Variants in ADRA1B observed in about 807,000 individuals in gnomAD.
ADRA1B encodes alpha-1B adrenergic receptor.
ADRA1B carries 17 observed loss-of-function variants against 17.9 expected under a neutral mutation model. That is an observed-to-expected ratio of 0.95 (90% CI 0.65 to 1.42). ADRA1B has a LOEUF of 1.42. ADRA1B is among the 40% of genes most tolerant of loss of function. The probability of loss-of-function intolerance (pLI) is 0.00; values close to 1 mark genes in which losing one functional copy is unlikely to be tolerated. For missense variants in ADRA1B, 681 were observed against 722.1 expected (o/e 0.94, Z 0.65); for synonymous variants, 366 against 327.6 (o/e 1.12, Z -1.27).
intron 1 of ADRA1B, among the ~76,000 whole-genome samples, chr5:159,925,417 A>G (rs1200200893): frequency 1.3e-5 from 2 of 152,206 alleles, no homozygotes; most frequent in Non-Finnish European, 2.9e-5. Flanking sequence ...TCAGATTTTT[A>G]TCAAATTTGG....
At chr5:159,932,291 G>T (rs572117529) in intron 1 of ADRA1B, among the ~76,000 whole-genome samples, 86 of 152,028 alleles carry the variant, frequency 5.7e-4, no homozygotes, top group Non-Finnish European at 1.0e-3. Flanking sequence ...CAAGTAGCAG[G>T]GACCACAGGT....
At chr5:159,965,527 G>A (rs1171588041) in intron 1 of ADRA1B, among the ~76,000 whole-genome samples, 3 of 152,172 alleles carry the variant, frequency 2.0e-5, no homozygotes, top group Non-Finnish European at 4.4e-5. Context: ...CAGGGGAAAC[G>A]ATCCCTGCCA....
Position 159,972,915 on chromosome 5 carries a change from G to A in ADRA1B, c.*423G>A, listed in dbSNP as rs914776084. On this transcript the variant is annotated 3_prime_UTR_variant, in exon 2 of 2. Transcript: ENST00000306675. ...CAACCGGGGGCGTTGTGTGTGTCGT[G>A]ACTTCGTACCTCTCAAGCCCCTCCT... Among the ~76,000 whole-genome samples the A allele has an allele frequency of 6.6e-6, 1 of 152,208 alleles. No individual in the cohort carries two copies. The highest frequency in any genetic ancestry group is 1.5e-5 in the Non-Finnish European group (1 of 68,038).
At chr5:159,959,595 G>A (rs1466492844) in intron 1 of ADRA1B, among the ~76,000 whole-genome samples, 1 of 152,116 alleles carries the variant, frequency 6.6e-6, no homozygotes, top group Non-Finnish European at 1.5e-5. Context: ...ATCCGTGGAT[G>A]AGATTCAGCA....
downstream of ADRA1B, among the ~76,000 whole-genome samples, chr5:159,976,695 TA>T (rs1344225827): frequency 6.6e-6 from 1 of 151,196 alleles, no homozygotes; most frequent in East Asian, 1.9e-4. Context: ...ACGCGTTACT[TA>T]AAAAGGTCAT....
the ADRA1B span, among the ~76,000 whole-genome samples, chr5:159,978,666 A>G: frequency 2.0e-5 from 3 of 152,224 alleles, no homozygotes; most frequent in African/African-American, 7.2e-5. Context: ...CTTTGGAGAC[A>G]ACTTCATTGG....
chr5:159,947,167 C>A (rs1755296676), intron 1 of ADRA1B, among the ~76,000 whole-genome samples: 1 of 152,020 alleles, frequency 6.6e-6, no homozygotes, highest in Non-Finnish European at 1.5e-5. Context: ...ATGGCGAAAC[C>A]CTATCTCTAC....
At chr5:159,880,017 A>G (rs1051102219) in intron 1 of ADRA1B, among the ~76,000 whole-genome samples, 3 of 152,186 alleles carry the variant, frequency 2.0e-5, no homozygotes, top group Admixed American at 1.3e-4. Context: ...AATAAAATTA[A>G]AATTAAAAAC....
At chr5:159,981,377 C>T in the ADRA1B span, among the ~76,000 whole-genome samples, 3 of 152,058 alleles carry the variant, frequency 2.0e-5, no homozygotes. Context: ...GGTAAAATAG[C>T]CCCCAATTGA....
At chr5:159,929,502 A>T (rs2113195328) in intron 1 of ADRA1B, among the ~76,000 whole-genome samples, 1 of 149,580 alleles carries the variant, frequency 6.7e-6, no homozygotes, top group East Asian at 2.0e-4. Context: ...AAGTTTATGG[A>T]CCCTCTAACT....
intron 1 of ADRA1B, among the ~76,000 whole-genome samples, chr5:159,918,512 A>G (rs1274780583): frequency 1.3e-5 from 2 of 152,228 alleles, no homozygotes; most frequent in African/African-American, 4.8e-5. Context: ...AGATGACTAG[A>G]GGGTCACACA....
intron 1 of ADRA1B, among the ~76,000 whole-genome samples, chr5:159,967,852 G>A (rs955375705): frequency 6.6e-6 from 1 of 152,202 alleles, no homozygotes. Context: ...GGTCCTTGGA[G>A]GGTACATTGT....
intron 1 of ADRA1B, among the ~76,000 whole-genome samples, chr5:159,918,692 G>T (rs1754396187): frequency 6.6e-6 from 1 of 152,150 alleles, no homozygotes; most frequent in Admixed American, 6.5e-5. Flanking sequence ...TTTGTTTGGT[G>T]GTCCTACTAA....
intron 1 of ADRA1B, among the ~76,000 whole-genome samples, chr5:159,904,945 T>C (rs969034381): frequency 6.6e-6 from 1 of 152,228 alleles, no homozygotes; most frequent in African/African-American, 2.4e-5. Context: ...GACCAGCTCA[T>C]TGGAGCACAC....
chr5:159,969,934 TTA>T (rs1755838777), intron 1 of ADRA1B, among the ~76,000 whole-genome samples: 3 of 150,486 alleles, frequency 2.0e-5, no homozygotes, highest in African/African-American at 7.4e-5. Context: ...TTGCATTTTT[TTA>T]AAAAAAAAAC....
chr5:159,951,255 G>A (rs1755431250), intron 1 of ADRA1B: 5 of 999,702 alleles, frequency 5.0e-6, no homozygotes, highest in Non-Finnish European at 7.9e-6. Flanking sequence ...GATTTTGGAG[G>A]GATCTTGCTC....
intron 1 of ADRA1B, among the ~76,000 whole-genome samples, chr5:159,937,484 C>T (rs1561599557): frequency 6.6e-6 from 1 of 151,588 alleles, no homozygotes; most frequent in Non-Finnish European, 1.5e-5. Context: ...GGAGTCTCAC[C>T]ATGTTGCTCA....
Position 159,917,136 on chromosome 5 carries a change from G to C in ADRA1B, c.231G>C (p.Arg77=). 6.2e-7 allele frequency: 1 copy of C among 1,614,116 alleles called. No individual in the cohort carries two copies. Among genetic ancestry groups the C allele is most frequent in the Non-Finnish European group, 8.5e-7 (1 of 1,180,018 alleles). The change falls in exon 1 of 2, where the codon CGG becomes CGC. Residue 77 remains arginine, a synonymous_variant. Coordinates refer to ENST00000306675, the MANE Select transcript of ADRA1B (RefSeq NM_000679.4). ...CTGTGGCCTGCAACCGGCACCTGCGGACGCCCACCAACTACTTCATTGTCA... is the reference window on the plus strand; with the variant it reads ...CTGTGGCCTGCAACCGGCACCTGCGCACGCCCACCAACTACTTCATTGTCA... ...ILSVACNRHL[R]TPTNYFIVNL...
intron 1 of ADRA1B, among the ~76,000 whole-genome samples, chr5:159,865,505 T>C (rs918171852): frequency 2.7e-4 from 41 of 152,236 alleles, no homozygotes; most frequent in African/African-American, 9.2e-4. Flanking sequence ...GCAATCTCTA[T>C]ATGGCTTGGT....
Sources: allele counts gnomAD v4.1 joint callset (sites outside exome capture counted in the v4.1 genomes callset), GRCh38; gene constraint gnomAD v4.1.1; transcripts MANE v1.5; gene names NCBI Gene and HGNC (gene_info 2026-07-23, HGNC 2026-07-21).